Variants in EML1 observed in about 807,000 individuals in gnomAD.
EML1 encodes the protein echinoderm microtubule-associated protein-like 1.
A neutral mutation model predicts 110.4 loss-of-function variants in EML1; 27 were observed. The ratio of observed to expected loss-of-function variants is 0.24; its 90% CI spans 0.18 to 0.34. The LOEUF is 0.34. EML1 is among the 10% of genes least tolerant of loss of function. The probability of loss-of-function intolerance (pLI) is 1.00; values close to 1 mark genes in which losing one functional copy is unlikely to be tolerated. For missense variants in EML1, 741 were observed against 1,030.9 expected (o/e 0.72, Z 3.85); for synonymous variants, 344 against 385.8 (o/e 0.89, Z 1.27).
chr14:99,888,366 T>C (rs1178345382), intron 4 of EML1, among the ~76,000 whole-genome samples: 2 of 152,248 alleles, frequency 1.3e-5, no homozygotes, highest in African/African-American at 4.8e-5. Context: ...CTAGGGCAAG[T>C]TCTGAATTTC....
At chr14:99,796,459 G>T (rs2057776290) in intron 1 of EML1, among the ~76,000 whole-genome samples, 2 of 150,634 alleles carry the variant, frequency 1.3e-5, no homozygotes, top group African/African-American at 2.4e-5. Context: ...CAGAGTATTT[G>T]AAATCTGTAA....
intron 1 of EML1, among the ~76,000 whole-genome samples, chr14:99,738,983 C>T (rs565319999): frequency 4.8e-4 from 73 of 152,166 alleles, no homozygotes; most frequent in African/African-American, 1.5e-3. Flanking sequence ...CAGCACCCTG[C>T]AGATACCCTG....
At chr14:99,884,667 GT>G (rs1487656199) in intron 4 of EML1, among the ~76,000 whole-genome samples, 11 of 152,316 alleles carry the variant, frequency 7.2e-5, no homozygotes, top group Admixed American at 6.5e-4. Flanking sequence ...GCCGATCTAA[GT>G]AAGAAGATAA....
intron 3 of EML1, among the ~76,000 whole-genome samples, chr14:99,869,119 C>T (rs1217782985): frequency 3.3e-5 from 5 of 152,176 alleles, no homozygotes; most frequent in African/African-American, 9.7e-5. Context: ...CAAATACATG[C>T]ATGCCTCATT....
intron 15 of EML1, chr14:99,914,913 A>C: frequency 5.1e-6 from 3 of 584,028 alleles, no homozygotes; most frequent in Non-Finnish European, 8.5e-6. Flanking sequence ...TTTACTGTTG[A>C]AATTTTCTGA....
At chr14:99,896,275 T>A (rs2059669615) in intron 6 of EML1, among the ~76,000 whole-genome samples, 1 of 152,188 alleles carries the variant, frequency 6.6e-6, no homozygotes, top group Admixed American at 6.5e-5. Context: ...TCATTTAGAA[T>A]AATTACTATT....
intron 1 of EML1, among the ~76,000 whole-genome samples, chr14:99,748,216 C>T: frequency 6.6e-6 from 1 of 152,128 alleles, no homozygotes; most frequent in African/African-American, 2.4e-5. Context: ...GCCCGCAGCC[C>T]CAGGACAGCC....
intron 1 of EML1, among the ~76,000 whole-genome samples, chr14:99,746,391 G>T (rs1187641220): frequency 6.6e-6 from 1 of 152,160 alleles, no homozygotes. Flanking sequence ...AGAGGTCTCA[G>T]GGGGCACCTA....
At position 99,747,357 on chromosome 14, in the gene EML1, C is replaced by T. The variant is rs1350849196; in HGVS notation, c.28+9497C>T. Among the ~76,000 whole-genome samples the T allele has an allele frequency of 2.6e-5, 4 of 152,010 alleles. No individual in the cohort carries two copies. In the East Asian group the frequency reaches 5.8e-4, roughly 22 times the overall value. On this transcript the variant is annotated intron_variant, in intron 1 of 10. Transcript: ENST00000554479. The stretch of plus-strand genomic sequence containing the variant: ...CTCTGGCCCAGGAGAAAGGCAGGCC[C>T]GGGGTGGCACAGATCGGCTCCAGAT...
At chr14:99,868,180 T>C (rs1463464511) in intron 3 of EML1, among the ~76,000 whole-genome samples, 1 of 152,234 alleles carries the variant, frequency 6.6e-6, no homozygotes, top group East Asian at 1.9e-4. Flanking sequence ...TTTGTCATGG[T>C]ATATAATCCA....
intron 1 of EML1, among the ~76,000 whole-genome samples, chr14:99,837,563 T>C (rs970406140): frequency 6.6e-6 from 1 of 152,164 alleles, no homozygotes. Context: ...ACTCAAACTT[T>C]CCTTTAGATT....
chr14:99,826,577 C>T, intron 1 of EML1, among the ~76,000 whole-genome samples: 1 of 152,144 alleles, frequency 6.6e-6, no homozygotes, highest in East Asian at 1.9e-4. Flanking sequence ...CAGCCTTCTG[C>T]AGTTCCCCAT....
chr14:99,879,405 G>A (rs958383712), intron 4 of EML1, among the ~76,000 whole-genome samples: 10 of 152,162 alleles, frequency 6.6e-5, no homozygotes, highest in African/African-American at 2.2e-4. Context: ...GTAAAGCTGA[G>A]GAAGGAATTT....
chr14:99,938,304 T>C (rs2060511665), intron 20 of EML1, among the ~76,000 whole-genome samples: 1 of 152,238 alleles, frequency 6.6e-6, no homozygotes, highest in South Asian at 2.1e-4. Context: ...TTCTTCAACA[T>C]TCACTTTAGG....
chr14:99,895,062 GA>G (rs1205192067), intron 6 of EML1, among the ~76,000 whole-genome samples: 9 of 152,138 alleles, frequency 5.9e-5, no homozygotes, highest in African/African-American at 2.2e-4. Context: ...AAGAAAATAT[GA>G]AGATGTTATA....
intron 17 of EML1, among the ~76,000 whole-genome samples, chr14:99,931,949 G>A (rs2060377438): frequency 6.6e-6 from 1 of 152,180 alleles, no homozygotes; most frequent in African/African-American, 2.4e-5. Context: ...CGGGGGCCAG[G>A]GGCTGGGAGG....
Position 99,937,713 on chromosome 14 carries a change from G to A in EML1, c.2096-104G>A, listed in dbSNP as rs2060500661. On this transcript the variant is annotated intron_variant, in intron 19 of 21. Transcript: ENST00000262233. ...GGAAGTGGAAGGTCTCCCTCTCCAG[G>A]AAGGGCTCTGTACCCAACGGGGCAC... is the stretch of plus-strand genomic sequence containing the variant. 39 of 965,390 alleles carry A rather than the reference G, an allele frequency of 4.0e-5. No individual in the cohort carries two copies. The South Asian group carries it at 5.7e-4, about 14-fold the overall frequency. The allele number at this position is 965,390 out of a possible 1,614,324, so 59.8% of individuals were successfully genotyped here.
At chr14:99,876,258 C>G (rs566051579) in intron 3 of EML1, among the ~76,000 whole-genome samples, 1 of 152,098 alleles carries the variant, frequency 6.6e-6, no homozygotes, top group Admixed American at 6.5e-5. Flanking sequence ...GGAGGGAGGA[C>G]GTTGAGCTTC....
intron 1 of EML1, among the ~76,000 whole-genome samples, chr14:99,823,602 G>A (rs957157165): frequency 3.3e-5 from 5 of 152,082 alleles, no homozygotes; most frequent in East Asian, 1.9e-4. Flanking sequence ...TTCTTCCTGC[G>A]TAGATTGAGT....
Sources: allele counts gnomAD v4.1 joint callset (sites outside exome capture counted in the v4.1 genomes callset), GRCh38; gene constraint gnomAD v4.1.1; transcripts MANE v1.5; gene names NCBI Gene and HGNC (gene_info 2026-07-23, HGNC 2026-07-21).